GALNT14: variants seen among roughly 807,000 people sequenced by gnomAD.
GALNT14 encodes UDP-GalNAc:polypeptide N-acetylgalactosaminyltransferase 14.
A neutral mutation model predicts 77.5 loss-of-function variants in GALNT14; 60 were observed. The ratio of observed to expected loss-of-function variants is 0.77; its 90% CI spans 0.63 to 0.96. GALNT14 has a LOEUF of 0.96. Among genes scored for constraint, GALNT14 ranks in the 40% least tolerant of loss-of-function variants. The probability of loss-of-function intolerance (pLI) is 0.00; values close to 1 mark genes in which losing one functional copy is unlikely to be tolerated. For missense variants in GALNT14, 710 were observed against 731.0 expected, an observed-to-expected ratio of 0.97 and a Z score of 0.33; for synonymous variants, 280 against 281.7, an observed-to-expected ratio of 0.99 and a Z score of 0.06.
At chr2:30,897,028 A>C in the GALNT14 span, among the ~76,000 whole-genome samples, 9 of 152,002 alleles carry the variant, frequency 5.9e-5, no homozygotes, top group Non-Finnish European at 1.5e-5. Flanking sequence ...CCTTGCTCCA[A>C]AGCCTTCAGT....
chr2:30,981,301 CTG>C, intron 2 of GALNT14, among the ~76,000 whole-genome samples: 1 of 152,328 alleles, frequency 6.6e-6, no homozygotes, highest in Non-Finnish European at 1.5e-5. Context: ...GGGAAGACAT[CTG>C]TGTGTTTCAG....
At chr2:31,053,349 G>A (rs1441640386) in intron 1 of GALNT14, among the ~76,000 whole-genome samples, 1 of 152,092 alleles carries the variant, frequency 6.6e-6, no homozygotes, top group Non-Finnish European at 1.5e-5. Flanking sequence ...CCTGAACCCT[G>A]CACTTACAGG....
chr2:30,957,375 C>A (rs1667430670), intron 4 of GALNT14, among the ~76,000 whole-genome samples: 1 of 152,062 alleles, frequency 6.6e-6, no homozygotes. Context: ...CAGTCTGGCT[C>A]CAGAGTCCAT....
chr2:30,893,959 G>T, the GALNT14 span, among the ~76,000 whole-genome samples: 5 of 152,050 alleles, frequency 3.3e-5, no homozygotes, highest in Non-Finnish European at 5.9e-5. Context: ...GAGCTTCTCA[G>T]TTACACTATA....
intron 1 of GALNT14, among the ~76,000 whole-genome samples, chr2:31,102,174 T>TCTA (rs70964703): frequency 0.6 from 89,872 of 150,776 alleles, 27,954 homozygotes; most frequent in African/African-American, 0.78. Flanking sequence ...CTCATTAATC[T>TCTA]CTTTTATTTA....
At chr2:31,082,818 G>A (rs1464070333) in intron 1 of GALNT14, among the ~76,000 whole-genome samples, 7 of 152,168 alleles carry the variant, frequency 4.6e-5, no homozygotes, top group Admixed American at 4.6e-4. Context: ...AAAAGACCGA[G>A]ACCATCCTGG....
the GALNT14 span, among the ~76,000 whole-genome samples, chr2:30,900,470 G>C: frequency 1.3e-5 from 2 of 152,108 alleles, no homozygotes; most frequent in Non-Finnish European, 2.9e-5. Flanking sequence ...GATAACTGTA[G>C]CCAGGAGGTA....
chr2:30,975,676 TC>T (rs956227185), intron 2 of GALNT14, among the ~76,000 whole-genome samples: 1 of 152,200 alleles, frequency 6.6e-6, no homozygotes, highest in African/African-American at 2.4e-5. Flanking sequence ...TCCTAAGTTG[TC>T]CCTGAACTTT....
intron 1 of GALNT14, among the ~76,000 whole-genome samples, chr2:31,090,423 C>G (rs2148597698): frequency 6.6e-6 from 1 of 150,478 alleles, no homozygotes; most frequent in Middle Eastern, 3.5e-3. Flanking sequence ...GGCAGCGCAT[C>G]TGACGCACCT....
At chr2:31,013,206 A>C (rs986938365) in intron 1 of GALNT14, among the ~76,000 whole-genome samples, 1 of 152,372 alleles carries the variant, frequency 6.6e-6, no homozygotes, top group African/African-American at 2.4e-5. Context: ...ATCCAACATC[A>C]GAAAACTGGT....
chr2:31,020,142 T>G (rs1671624439), intron 1 of GALNT14, among the ~76,000 whole-genome samples: 1 of 152,108 alleles, frequency 6.6e-6, no homozygotes, highest in Non-Finnish European at 1.5e-5. Context: ...GTCAGGGACT[T>G]GGGAACACAC....
intron 1 of GALNT14, among the ~76,000 whole-genome samples, chr2:31,021,265 GGTTAA>G (rs1462742427): frequency 3.9e-5 from 6 of 152,092 alleles, no homozygotes; most frequent in Non-Finnish European, 8.8e-5. Context: ...CAGACCTGTG[GGTTAA>G]GTCTGGCCTG....
At chr2:31,110,649 G>A (rs1420678725) in intron 1 of GALNT14, among the ~76,000 whole-genome samples, 9 of 152,150 alleles carry the variant, frequency 5.9e-5, no homozygotes, top group Admixed American at 3.9e-4. Flanking sequence ...AGGTTCACAC[G>A]GCATGCTTGG....
intron 1 of GALNT14, among the ~76,000 whole-genome samples, chr2:31,082,308 A>G (rs1157589937): frequency 6.6e-6 from 1 of 152,260 alleles, no homozygotes; most frequent in Non-Finnish European, 1.5e-5. Flanking sequence ...AAGCAGACAG[A>G]AAGGCCAAGT....
chr2:30,994,012 C>A (rs1028711884), intron 1 of GALNT14, among the ~76,000 whole-genome samples: 5 of 152,208 alleles, frequency 3.3e-5, no homozygotes, highest in Non-Finnish European at 5.9e-5. Flanking sequence ...GTGGTCACTT[C>A]CCAATGCATG....
intron 1 of GALNT14, among the ~76,000 whole-genome samples, chr2:31,093,891 G>C (rs1432972000): frequency 4.6e-5 from 7 of 152,230 alleles, no homozygotes; most frequent in Non-Finnish European, 7.3e-5. Context: ...CAGGACCTGA[G>C]AGGTCCTTCT....
chr2:30,993,906 G>A (rs1205630689), intron 1 of GALNT14, among the ~76,000 whole-genome samples: 2 of 152,128 alleles, frequency 1.3e-5, no homozygotes, highest in Non-Finnish European at 2.9e-5. Context: ...GTGTGGGTCT[G>A]CCCTGCCCAC....
At chr2:30,975,955 G>T (rs77097701) in intron 2 of GALNT14, among the ~76,000 whole-genome samples, 3,572 of 152,218 alleles carry the variant, frequency 0.023, 143 homozygotes, top group East Asian at 0.21. Context: ...AATTTAGCTT[G>T]AAATTGTAAA....
rs141751024 is a variant in GALNT14, at chr2:30,934,744, C to T, written c.932-2550G>A. Among the ~76,000 whole-genome samples the T allele has an allele frequency of 8.1e-4, 123 of 152,314 alleles. No homozygotes were observed. In the East Asian group the frequency reaches 0.018, roughly 22 times the overall value. On this transcript the variant is annotated intron_variant, in intron 9 of 14. Transcript: ENST00000349752. ...GTCTCCCCATGTTCTTCTCCTACAT[C>T]CCCTCAACGCTCTGCCTCTGAGCAT...
Sources: gnomAD v4.1 joint callset for allele counts (sites outside exome capture counted in the v4.1 genomes callset) on GRCh38, gnomAD v4.1.1 for gene constraint, MANE v1.5 for transcripts, NCBI Gene and HGNC (gene_info 2026-07-23, HGNC 2026-07-21) for gene names.